The following HDAC9 variants were observed in gnomAD, a reference collection of about 807,000 sequenced individuals.
HDAC9 encodes histone deacetylase 9.
In HDAC9, 41 loss-of-function variants were observed where a neutral mutation model predicts 139.4. The observed-to-expected ratio is 0.29, with a 90% CI of 0.23 to 0.38. The LOEUF (loss-of-function observed/expected upper bound fraction) is 0.38, where lower values mean the gene tolerates loss of function less well. Among genes scored for constraint, HDAC9 ranks in the 10% least tolerant of loss-of-function variants. The pLI is 1.00. For synonymous variants in HDAC9, 517 were observed against 476.2 expected (o/e 1.09, Z -1.12); for missense variants, 1,147 against 1,297.0 (o/e 0.88, Z 1.78).
At chr7:18,980,296 A>G (rs114608508) in intron 25 of HDAC9, among the ~76,000 whole-genome samples, 1,581 of 152,324 alleles carry the variant, frequency 0.01, 33 homozygotes, top group African/African-American at 0.036. Context: ...AAAAGAAACA[A>G]AATTGAATAG....
intron 24 of HDAC9, among the ~76,000 whole-genome samples, chr7:18,972,029 A>G (rs1402182048): frequency 2.0e-5 from 3 of 152,192 alleles, no homozygotes; most frequent in African/African-American, 2.4e-5. Flanking sequence ...ATAAGACCCA[A>G]TGCTTGGTAA....
At chr7:18,973,860 C>T (rs1387908658) in intron 24 of HDAC9, among the ~76,000 whole-genome samples, 2 of 152,130 alleles carry the variant, frequency 1.3e-5, no homozygotes, top group East Asian at 3.9e-4. Context: ...CTTCCTGCCC[C>T]CACTGTTATC....
rs1054512034 is a variant in HDAC9, at chr7:18,727,604, C to A, written c.1756C>A (p.Arg586Ser). 1.3e-6 allele frequency: 2 copies of A among 1,595,970 alleles called. No individual in the cohort carries two copies. The highest frequency in any genetic ancestry group is 1.7e-6 in the Non-Finnish European group (2 of 1,173,320). Reference sequence around the variant, plus strand: ...GCCTTTCCTGGAACCCACGCACACACGTGCGCTCTCTGTGCGCCAAGCTCC... The same window carrying A: ...GCCTTTCCTGGAACCCACGCACACAAGTGCGCTCTCTGTGCGCCAAGCTCC... ...QQPFLEPTHT[R>S]ALSVRQAPLA... The change falls in exon 13 of 26, where the codon CGT (arginine) becomes AGT (serine). Residue 586 changes from arginine (R) to serine (S), a missense_variant. Transcript: ENST00000686413.
intron 2 of HDAC9, among the ~76,000 whole-genome samples, chr7:18,181,212 G>A (rs1442647204): frequency 6.6e-6 from 1 of 152,172 alleles, no homozygotes; most frequent in Non-Finnish European, 1.5e-5. Flanking sequence ...AATATCTGAA[G>A]TCATGCTGGC....
chr7:18,098,627 G>A (rs2128067868), intron 1 of HDAC9, among the ~76,000 whole-genome samples: 1 of 152,284 alleles, frequency 6.6e-6, no homozygotes, highest in East Asian at 1.9e-4. Flanking sequence ...TTATGGATGA[G>A]TTAACCTCTT....
rs374783140 is a variant in HDAC9, at chr7:18,232,016, G to A, written c.25+69667G>A. ...GGGAACAAATTAATTTCCATCGAAG[G>A]TAAAATAATGAGTGCATTTGTGATT... On this transcript the variant is annotated intron_variant, in intron 2 of 12. Coordinates refer to the HDAC9 transcript ENST00000417496. 8.5e-5 allele frequency among the ~76,000 whole-genome samples: 13 copies of A among 152,262 alleles called. No homozygotes were observed. The South Asian group carries it at 2.5e-3, about 29-fold the overall frequency.
chr7:18,589,287 A>G (rs901074117), intron 3 of HDAC9, among the ~76,000 whole-genome samples: 5 of 152,188 alleles, frequency 3.3e-5, no homozygotes, highest in African/African-American at 1.2e-4. Context: ...GCAGTTAGAG[A>G]GGCCAAGGTT....
intron 1 of HDAC9, among the ~76,000 whole-genome samples, chr7:18,457,795 C>T (rs535909178): frequency 1.5e-4 from 22 of 150,942 alleles, no homozygotes; most frequent in African/African-American, 5.3e-4. Flanking sequence ...TTGAAATCAC[C>T]TATTTTCAGG....
intron 22 of HDAC9, among the ~76,000 whole-genome samples, chr7:18,879,082 C>A (rs1799533821): frequency 6.6e-6 from 1 of 152,016 alleles, no homozygotes; most frequent in Non-Finnish European, 1.5e-5. Flanking sequence ...GAATAAAACA[C>A]CTAGGAATAC....
At position 18,975,951 on chromosome 7, in the gene HDAC9, C is replaced by T. The variant is rs1784519773; in HGVS notation, c.3168C>T (p.Ser1056=). The change falls in exon 25 of 26, where the codon AGC becomes AGT. Residue 1056 remains serine, a splice_region_variant and synonymous_variant. Coordinates refer to ENST00000686413, the MANE Select transcript of HDAC9 (RefSeq NM_178425.4). The part of the protein sequence containing the change: ...DVEQPFAQED[S]RTAGEPMEEE... ...AACAGCCCTTTGCTCAGGAAGACAG[C>T]AGGTATGAATCCAACGTGCGGGAAT... 6.2e-7 allele frequency: 1 copy of T among 1,613,112 alleles called. No individual in the cohort carries two copies. The highest frequency in any genetic ancestry group is 1.3e-5 in the African/African-American group (1 of 74,912).
intron 16 of HDAC9, among the ~76,000 whole-genome samples, chr7:18,780,349 G>GTGACAA: frequency 6.6e-6 from 1 of 152,070 alleles, no homozygotes; most frequent in Admixed American, 6.5e-5. Context: ...TCAGATAGCA[G>GTGACAA]GCTCCCATTA....
chr7:18,175,809 A>T (rs1385082203), intron 2 of HDAC9, among the ~76,000 whole-genome samples: 1 of 122,210 alleles, frequency 8.2e-6, no homozygotes, highest in African/African-American at 3.1e-5. Flanking sequence ...CTGGCACTTG[A>T]TTATATAAGG....
intron 1 of HDAC9, among the ~76,000 whole-genome samples, chr7:18,404,956 C>T (rs907976755): frequency 6.6e-6 from 1 of 152,202 alleles, no homozygotes; most frequent in Non-Finnish European, 1.5e-5. Flanking sequence ...AGGACGCCAT[C>T]CCATTGCAGG....
chr7:18,485,576 A>C (rs916810076), intron 1 of HDAC9, among the ~76,000 whole-genome samples: 1 of 151,692 alleles, frequency 6.6e-6, no homozygotes, highest in Non-Finnish European at 1.5e-5. Flanking sequence ...TTAGTTCAGA[A>C]TACAGAATTC....
rs1366781254 is a variant in HDAC9 at position 18,213,697 on chromosome 7, C to T, written c.25+51348C>T. Among the ~76,000 whole-genome samples the T allele has an allele frequency of 8.5e-5, 13 of 152,228 alleles. No homozygotes were observed. In the East Asian group the frequency reaches 2.5e-3, roughly 29 times the overall value. On this transcript the variant is annotated intron_variant, in intron 2 of 12. Coordinates refer to the HDAC9 transcript ENST00000417496. ...TGTAAGACCTAAACTCAGATACAGC[C>T]TACTTTTAGGAGATGTGAAACTATC...
At position 18,774,874 on chromosome 7, in the gene HDAC9, G is replaced by A. The variant is rs1317103031; in HGVS notation, c.2214+7719G>A. The stretch of plus-strand genomic sequence containing the variant: ...GTTGGGCACAACAGGTCTAGTTTTC[G>A]GCCTGTCTCAGCTTTCAACATGCCT... On this transcript the variant is annotated intron_variant, in intron 16 of 25. Coordinates refer to ENST00000686413, the MANE Select transcript of HDAC9 (RefSeq NM_178425.4). Among the ~76,000 whole-genome samples the A allele has an allele frequency of 3.3e-5, 5 of 151,930 alleles. No homozygotes were observed. The East Asian group carries it at 5.8e-4, about 18-fold the overall frequency.
chr7:18,342,496 A>G (rs565205506), intron 1 of HDAC9, among the ~76,000 whole-genome samples: 1 of 151,980 alleles, frequency 6.6e-6, no homozygotes, highest in African/African-American at 2.4e-5. Context: ...TCATTATGCC[A>G]TCTTGACAGG....
At chr7:18,785,695 T>G (rs1457282450) in intron 16 of HDAC9, among the ~76,000 whole-genome samples, 1 of 152,200 alleles carries the variant, frequency 6.6e-6, no homozygotes, top group Admixed American at 6.5e-5. Context: ...TTAGAATCTG[T>G]TTTTTAAAAT....
At chr7:18,767,027 ATG>A in intron 15 of HDAC9, 77 bp from the exon 16 acceptor site, 1 of 610,560 alleles carries the variant, frequency 1.6e-6, no homozygotes. Flanking sequence ...ACATATTATT[ATG>A]TGTTAATAAA....
Sources: gnomAD v4.1 joint callset for allele counts (sites outside exome capture counted in the v4.1 genomes callset) on GRCh38, gnomAD v4.1.1 for gene constraint, MANE v1.5 for transcripts, NCBI Gene and HGNC (gene_info 2026-07-23, HGNC 2026-07-21) for gene names.